Variants in FBN1 observed in about 807,000 individuals in gnomAD.
FBN1 encodes fibrillin-1.
In FBN1, 29 loss-of-function variants were observed where a neutral mutation model predicts 365.1. That is an observed-to-expected ratio of 0.08 (90% CI 0.06 to 0.11). The LOEUF (loss-of-function observed/expected upper bound fraction) is 0.11, where lower values mean the gene tolerates loss of function less well. Ranked by LOEUF, FBN1 falls within the 10% of genes least tolerant of loss-of-function variation. FBN1 has a pLI of 1.00. For synonymous variants in FBN1, 1,210 were observed against 1,270.5 expected (o/e 0.95, Z 1.01); for missense variants, 2,476 against 3,703.2 (o/e 0.67, Z 8.60).
chr15:48,463,818 C>T, intron 41 of FBN1, 81 bp downstream of exon 41: 2 of 1,395,200 alleles, frequency 1.4e-6, no homozygotes, highest in Non-Finnish European at 2.0e-6. Context: ...TAACATCACC[C>T]TAAGGTGATG....
At chr15:48,536,212 A>T (rs2044012697) in intron 7 of FBN1, among the ~76,000 whole-genome samples, 1 of 152,212 alleles carries the variant, frequency 6.6e-6, no homozygotes, top group Non-Finnish European at 1.5e-5. Flanking sequence ...GGTTTTCAAA[A>T]CTTTTCTTAT....
intron 17 of FBN1, among the ~76,000 whole-genome samples, chr15:48,501,086 A>G (rs2043651867): frequency 6.6e-6 from 1 of 152,208 alleles, no homozygotes; most frequent in South Asian, 2.1e-4. Flanking sequence ...TCATTCAAAT[A>G]TAAGACAAAA....
At chr15:48,550,074 A>G (rs2044130013) in intron 6 of FBN1, among the ~76,000 whole-genome samples, 1 of 152,238 alleles carries the variant, frequency 6.6e-6, no homozygotes, top group Non-Finnish European at 1.5e-5. Flanking sequence ...CAATAAGCCT[A>G]AAAGTGAGGA....
At chr15:48,597,122 A>G (rs1178183566) in intron 5 of FBN1, among the ~76,000 whole-genome samples, 1 of 152,158 alleles carries the variant, frequency 6.6e-6, no homozygotes, top group East Asian at 1.9e-4. Flanking sequence ...GCCCAGCTGA[A>G]ATCTTACTGC....
chr15:48,492,119 G>C (rs1027364042), intron 24 of FBN1, among the ~76,000 whole-genome samples: 4 of 152,210 alleles, frequency 2.6e-5, no homozygotes, highest in Non-Finnish European at 4.4e-5. Flanking sequence ...GGTATGCTTA[G>C]AAGACATGGG....
chr15:48,559,782 T>A (rs369548247), intron 6 of FBN1, among the ~76,000 whole-genome samples: 2 of 152,172 alleles, frequency 1.3e-5, no homozygotes, highest in African/African-American at 4.8e-5. Flanking sequence ...AGTTTTCATA[T>A]CTAAGCAGCA....
chr15:48,425,397 A>C lies in FBN1; in HGVS notation c.7425T>G (p.Ile2475Met), dbSNP rs2042971088. The change falls in exon 60 of 66, where the codon ATT becomes ATG. Residue 2475 changes from isoleucine to methionine, a missense_variant. Coordinates refer to ENST00000316623, the MANE Select transcript of FBN1 (RefSeq NM_000138.5). ...SYQCSCPKGYILQEDGRSCKD... is the reference protein window; with the variant it reads ...SYQCSCPKGYMLQEDGRSCKD... ...TGCAGCTCCTTCCATCCTCTTGCAGAATGTAGCCTTTCGGGCATGAACACT... is the reference window on the plus strand; with the variant it reads ...TGCAGCTCCTTCCATCCTCTTGCAGCATGTAGCCTTTCGGGCATGAACACT... 1.2e-6 allele frequency: 2 copies of C among 1,614,058 alleles called. No homozygotes were observed. The highest frequency in any genetic ancestry group is 2.7e-5 in the African/African-American group (2 of 74,920).
chr15:48,634,349 G>A (rs1215599587), intron 2 of FBN1, among the ~76,000 whole-genome samples: 1 of 152,070 alleles, frequency 6.6e-6, no homozygotes, highest in Admixed American at 6.5e-5. Context: ...TTTCTTTTAT[G>A]TCCTGACTCT....
chr15:48,444,519 C>G (rs2043139016), intron 49 of FBN1, 22 bp downstream of exon 49: 1 of 1,612,688 alleles, frequency 6.2e-7, no homozygotes, highest in African/African-American at 1.3e-5. Flanking sequence ...TCCTCATTTG[C>G]TACAACTGAT....
intron 17 of FBN1, among the ~76,000 whole-genome samples, chr15:48,502,011 A>C (rs1488310327): frequency 1.3e-5 from 2 of 151,958 alleles, no homozygotes; most frequent in Admixed American, 1.3e-4. Flanking sequence ...TTTTTCTTTA[A>C]ATAGGCATCC....
At chr15:48,491,491 C>T (rs2043558097) in intron 24 of FBN1, among the ~76,000 whole-genome samples, 1 of 152,044 alleles carries the variant, frequency 6.6e-6, no homozygotes, top group South Asian at 2.1e-4. Flanking sequence ...GCTGGGATTA[C>T]AGGTGCCCGC....
intron 17 of FBN1, among the ~76,000 whole-genome samples, chr15:48,502,154 G>C (rs543045781): frequency 2.0e-5 from 3 of 152,040 alleles, no homozygotes; most frequent in Non-Finnish European, 4.4e-5. Flanking sequence ...TCAGCCTCCC[G>C]AGTAGCTGGG....
chr15:48,626,772 T>C (rs911681403), intron 2 of FBN1, among the ~76,000 whole-genome samples: 8 of 152,134 alleles, frequency 5.3e-5, no homozygotes, highest in African/African-American at 1.9e-4. Flanking sequence ...CATTTAGATA[T>C]GTGGAAAACT....
intron 23 of FBN1, 68 bp downstream of exon 23, chr15:48,494,136 C>T: frequency 1.6e-6 from 2 of 1,236,404 alleles, no homozygotes; most frequent in Non-Finnish European, 2.4e-6. Context: ...CAGCTTTATC[C>T]AGTCCGAGTT....
intron 41 of FBN1, among the ~76,000 whole-genome samples, chr15:48,463,621 A>G (rs575757778): frequency 2.6e-5 from 4 of 152,362 alleles, no homozygotes; most frequent in African/African-American, 9.6e-5. Context: ...ATATAATTGT[A>G]CAAAGATACA....
intron 4 of FBN1, among the ~76,000 whole-genome samples, chr15:48,604,652 C>T (rs2044592626): frequency 6.6e-6 from 1 of 152,200 alleles, no homozygotes; most frequent in Non-Finnish European, 1.5e-5. Context: ...GAGTAGAAAG[C>T]AAAGAGTTCA....
intron 46 of FBN1, 85 bp from the exon 47 acceptor site, chr15:48,446,907 G>C: frequency 1.1e-6 from 1 of 871,844 alleles, no homozygotes; most frequent in South Asian, 1.3e-5. Context: ...AGCATTTTAG[G>C]GTTCACCAGG....
At chr15:48,579,666 T>G (rs1386932457) in intron 6 of FBN1, among the ~76,000 whole-genome samples, 1 of 152,186 alleles carries the variant, frequency 6.6e-6, no homozygotes, top group Non-Finnish European at 1.5e-5. Flanking sequence ...TCCACATCAC[T>G]CTGGAAAAGA....
chr15:48,444,698 C>A (rs1219822273), intron 48 of FBN1, 38 bp from the exon 49 acceptor site: 1 of 1,609,890 alleles, frequency 6.2e-7, no homozygotes. Flanking sequence ...GAGGTTCCCA[C>A]TGGCATGACT....
Sources: allele counts gnomAD v4.1 joint callset (sites outside exome capture counted in the v4.1 genomes callset), GRCh38; gene constraint gnomAD v4.1.1; transcripts MANE v1.5; gene names NCBI Gene and HGNC (gene_info 2026-07-23, HGNC 2026-07-21).